ZNF577: variants seen among roughly 807,000 people sequenced by gnomAD.
ZNF577 encodes the protein zinc finger protein 577.
A neutral mutation model predicts 13.9 loss-of-function variants in ZNF577; 14 were observed. That is an observed-to-expected ratio of 1.00 (90% confidence interval 0.66 to 1.57). The LOEUF (loss-of-function observed/expected upper bound fraction) is 1.57. Ranked by LOEUF, ZNF577 falls within the 40% of genes most tolerant of loss-of-function variation. The probability of loss-of-function intolerance (pLI) is 0.00; values close to 1 mark genes in which losing one functional copy is unlikely to be tolerated. For synonymous variants in ZNF577, 203 were observed against 202.9 expected (o/e 1.00, Z 0.00); for missense variants, 555 against 579.2 (o/e 0.96, Z 0.43).
rs1431131113 is a variant in ZNF577, at chr19:51,887,919, CCA to C, written c.-1319_-1318del. On this transcript the variant is annotated 5_prime_UTR_variant, in exon 1 of 6. Coordinates refer to ENST00000638348, the MANE Select transcript of ZNF577 (RefSeq NM_001370449.1). ...GCCTCTACCCGCCGCCCCGCGAACC[CCA>C]CACACTGCAGACGCGACACTCGCAA... 2.6e-5 allele frequency: 4 copies of C among 152,286 alleles called. No individual in the cohort carries two copies. The highest frequency in any genetic ancestry group is 5.9e-5 in the Non-Finnish European group (4 of 68,092). The allele number at this position is 152,286 out of a possible 1,614,324, so 9.4% of individuals were successfully genotyped here. A position where few individuals can be genotyped will look rare whatever the true frequency, so the allele number is the denominator to read the frequency against.
intron 6 of ZNF577, among the ~76,000 whole-genome samples, chr19:51,844,112 G>T (rs1389136498): frequency 1.5e-5 from 2 of 130,202 alleles, no homozygotes; most frequent in African/African-American, 2.8e-5. Context: ...TTTGGAAATT[G>T]TGCTACAAAT....
intron 4 of ZNF577, 180 bp from the exon 5 acceptor site, chr19:51,877,557 C>A: frequency 2.0e-6 from 1 of 505,680 alleles, no homozygotes; most frequent in Non-Finnish European, 3.5e-6. Flanking sequence ...GTGACACACC[C>A]ATACCCATTA....
chr19:51,829,259 G>C (rs549326339), intron 9 of ZNF577, among the ~76,000 whole-genome samples: 28 of 152,258 alleles, frequency 1.8e-4, no homozygotes, highest in Admixed American at 1.4e-3. Flanking sequence ...AGAGTCAGTA[G>C]CCACAGCCCC....
At chr19:51,832,679 T>C (rs986495311) in intron 9 of ZNF577, among the ~76,000 whole-genome samples, 2 of 152,212 alleles carry the variant, frequency 1.3e-5, no homozygotes, top group African/African-American at 2.4e-5. Context: ...ACATTTAATA[T>C]TTAAATCTAT....
rs777960655 is a variant in ZNF577 at position 51,873,158 on chromosome 19, C to G, written c.832G>C (p.Ala278Pro). 4 of 1,614,120 alleles carry G rather than the reference C, an allele frequency of 2.5e-6. No individual in the cohort carries two copies. The South Asian group carries it at 4.4e-5, about 18-fold the overall frequency. ...KLYGCSVCGK[A>P]FSQKAYLTAH... ...GTGAGGTATGCCTTCTGAGAAAAGG[C>G]TTTCCCACACACACTGCACCCATAG... Residue 278 changes from alanine (A) to proline (P), a missense_variant, in exon 6 of 6, where the codon GCC becomes CCC. Transcript: ENST00000638348.
downstream of ZNF577, among the ~76,000 whole-genome samples, chr19:51,863,874 C>A (rs4290570): frequency 4.6e-5 from 7 of 152,056 alleles, no homozygotes; most frequent in African/African-American, 1.7e-4. Flanking sequence ...TAGAAAGTTA[C>A]CTAGCTGTAT....
chr19:51,843,183 C>T (rs1242554030), intron 7 of ZNF577: 1 of 152,512 alleles, frequency 6.6e-6, no homozygotes, highest in Non-Finnish European at 1.5e-5. Flanking sequence ...GGAAAGTTGT[C>T]TTTACCCAGT....
At chr19:51,885,719 A>G (rs1011690008) in intron 1 of ZNF577, among the ~76,000 whole-genome samples, 2 of 152,112 alleles carry the variant, frequency 1.3e-5, no homozygotes, top group Non-Finnish European at 2.9e-5. Context: ...CATGTTGGCC[A>G]GATGTCTCGA....
downstream of ZNF577, among the ~76,000 whole-genome samples, chr19:51,865,023 A>C (rs2084544747): frequency 6.6e-6 from 1 of 152,170 alleles, no homozygotes; most frequent in Non-Finnish European, 1.5e-5. Flanking sequence ...TCTTCACATA[A>C]ATGTAAGTGC....
rs1377182118 is a variant in ZNF577 at position 51,870,610 on chromosome 19, A to AG, written c.*1921dup. ...TTTCTTCCTGTTCTTCCTCCAGCCT[A>AG]GGGGGGGTTTCTCACATACATATGC... On this transcript the variant is annotated 3_prime_UTR_variant, in exon 6 of 6. Coordinates refer to ENST00000638348, the MANE Select transcript of ZNF577 (RefSeq NM_001370449.1). Among the ~76,000 whole-genome samples the AG allele has an allele frequency of 5.5e-5, 8 of 145,332 alleles. No individual in the cohort carries two copies. The East Asian group carries it at 1.4e-3, about 25-fold the overall frequency.
chr19:51,830,729 T>C (rs2084257209), intron 9 of ZNF577, among the ~76,000 whole-genome samples: 1 of 152,170 alleles, frequency 6.6e-6, no homozygotes, highest in South Asian at 2.1e-4. Flanking sequence ...TCTTTCTCAA[T>C]CTCCTTGACT....
chr19:51,870,881 T>C lies in ZNF577; in HGVS notation c.*1651A>G, dbSNP rs1220532051. Among the ~76,000 whole-genome samples, 1 of 152,164 alleles carries C rather than the reference T, an allele frequency of 6.6e-6. No homozygotes were observed. Among genetic ancestry groups the C allele is most frequent in the Non-Finnish European group, 1.5e-5 (1 of 68,034 alleles). ...AAGGCTCATCTCATTGTTTCCTTTC[T>C]GTCATGGAAAGCTGTCCTAAGCCCT... On this transcript the variant is annotated 3_prime_UTR_variant, in exon 6 of 6. Transcript: ENST00000638348.
At chr19:51,850,470 T>C (rs938082016) in intron 5 of ZNF577, among the ~76,000 whole-genome samples, 12 of 152,232 alleles carry the variant, frequency 7.9e-5, no homozygotes, top group African/African-American at 2.7e-4. Flanking sequence ...CTGCATGATT[T>C]CTCTGAAAGA....
intron 5 of ZNF577, among the ~76,000 whole-genome samples, chr19:51,875,806 G>A (rs1408064732): frequency 6.6e-6 from 1 of 152,246 alleles, no homozygotes; most frequent in Admixed American, 6.5e-5. Context: ...AAAAAGAGAA[G>A]TCAGTCAAAC....
chr19:51,820,239 A>G (rs146369845), intron 9 of ZNF577, among the ~76,000 whole-genome samples: 139 of 152,312 alleles, frequency 9.1e-4, no homozygotes, highest in Admixed American at 2.5e-3. Flanking sequence ...CCGAGTTTCC[A>G]TTATAGATTA....
chr19:51,805,146 G>A (rs747507623), exon 11 of ZNF577: 6 of 152,206 alleles, frequency 3.9e-5, no homozygotes, highest in African/African-American at 7.2e-5. Context: ...CACGTCCCAT[G>A]GGCCTTCGGC....
chr19:51,816,907 A>G (rs1347407143), intron 9 of ZNF577, among the ~76,000 whole-genome samples: 1 of 152,108 alleles, frequency 6.6e-6, no homozygotes, highest in Non-Finnish European at 1.5e-5. Flanking sequence ...TAGAGAAGTG[A>G]GTTTTTGCTT....
chr19:51,859,332 C>T (rs1314434928), intron 5 of ZNF577, among the ~76,000 whole-genome samples: 1 of 151,966 alleles, frequency 6.6e-6, no homozygotes, highest in Non-Finnish European at 1.5e-5. Context: ...TGGTTGAGTA[C>T]CTGTTTTCAA....
In ZNF577 at chr19:51,816,436, C is replaced by A. The variant is rs2084137614; in HGVS notation, c.*600-4762G>T. Among the ~76,000 whole-genome samples the A allele has an allele frequency of 3.9e-5, 6 of 152,240 alleles. No homozygotes were observed. The East Asian group carries it at 1.2e-3, about 29-fold the overall frequency. ...TTAATTTTTGTGTTTTTAGTAGAGA[C>A]AAGGTTTTGCCACATTGGCCAGACT... On this transcript the variant is annotated intron_variant and NMD_transcript_variant, in intron 9 of 10. Coordinates refer to the ZNF577 transcript ENST00000638827.
Sources: gnomAD v4.1 joint callset for allele counts (sites outside exome capture counted in the v4.1 genomes callset) on GRCh38, gnomAD v4.1.1 for gene constraint, MANE v1.5 for transcripts, NCBI Gene and HGNC (gene_info 2026-07-23, HGNC 2026-07-21) for gene names.